The following TRMU variants were observed in gnomAD, a reference collection of about 807,000 sequenced individuals.
TRMU encodes the protein mitochondrial tRNA-specific 2-thiouridylase 1.
A neutral mutation model predicts 46.9 loss-of-function variants in TRMU; 49 were observed. That is an observed-to-expected ratio of 1.05 (90% confidence interval 0.83 to 1.33). The LOEUF is 1.33. Ranked by LOEUF, TRMU falls within the 40% of genes most tolerant of loss-of-function variation. The pLI, the probability that TRMU is intolerant of heterozygous loss-of-function variation, is 0.00. For missense variants in TRMU, 572 were observed against 532.4 expected (o/e 1.07, Z -0.73); for synonymous variants, 241 against 200.9 (o/e 1.20, Z -1.69).
Position 46,356,741 on chromosome 22 carries a change from G to C in TRMU, c.1102-101G>C, listed in dbSNP as rs1157571933. 3 of 1,418,150 alleles carry C rather than the reference G, an allele frequency of 2.1e-6. No homozygotes were observed. The African/African-American group carries it at 4.2e-5, about 20-fold the overall frequency. 87.8% of individuals were successfully genotyped at this position (1,418,150 alleles called of 1,614,324 possible). A position where few individuals can be genotyped will look rare whatever the true frequency, so the allele number is the denominator to read the frequency against. ...CTCCCCTGGGAGCTCAGTGCCTGGT[G>C]CTCCGAGCACAGGCCAGGCCCCATA... On this transcript the variant is annotated intron_variant, in intron 10 of 10. Transcript: ENST00000645190.
chr22:46,343,265 C>G lies in TRMU; in HGVS notation c.252C>G (p.Asp84Glu), dbSNP rs776173954. Residue 84 changes from aspartate to glutamate, a missense_variant, in exon 3 of 11, where the codon GAC becomes GAG. Physicochemically the swap from Asp to Glu is conservative, Grantham distance 45. Coordinates refer to ENST00000645190, the MANE Select transcript of TRMU (RefSeq NM_018006.5). Reference sequence around the variant, plus strand: ...AAGTCATTTTCTTTTATTCTAGTGACTTTTTGAATGAGTATGAAAAAGGAA... The same window carrying G: ...AAGTCATTTTCTTTTATTCTAGTGAGTTTTTGAATGAGTATGAAAAAGGAA... ...VKEYWNDVFS[D>E]FLNEYEKGRT... 6.2e-7 allele frequency: 1 copy of G among 1,604,414 alleles called. No individual in the cohort carries two copies. Among genetic ancestry groups the G allele is most frequent in the Admixed American group, 1.7e-5 (1 of 59,852 alleles).
At position 46,350,585 on chromosome 22, in the gene TRMU, G is replaced by A. The variant is rs928746534; in HGVS notation, c.651+122G>A. On this transcript the variant is annotated intron_variant, in intron 5 of 10. Coordinates refer to ENST00000645190, the MANE Select transcript of TRMU (RefSeq NM_018006.5). The surrounding 1 kb of genome is among the most constrained non-coding windows in gnomAD (Gnocchi z 4.6). Reference sequence around the variant, plus strand: ...TTCTCCAGGACCTAACATCAAAGGCGGGCCTTGGAGCAATAGATGGAGGAG... The same window carrying A: ...TTCTCCAGGACCTAACATCAAAGGCAGGCCTTGGAGCAATAGATGGAGGAG... The A allele has an allele frequency of 1.4e-5, 17 of 1,247,928 alleles. 1 individual carries two copies. Among genetic ancestry groups the A allele is most frequent in the Admixed American group, 1.1e-4 (6 of 54,268 alleles). The allele number at this position is 1,247,928 out of a possible 1,614,324, so 77.3% of individuals were successfully genotyped here.
chr22:46,344,461 G>A (rs1056019993), intron 3 of TRMU, among the ~76,000 whole-genome samples: 15 of 152,198 alleles, frequency 9.9e-5, no homozygotes, highest in African/African-American at 3.4e-4. Flanking sequence ...ACTTTGGGTC[G>A]TAGTGGCAGT....
chr22:46,337,983 CTG>C (rs756807603), intron 2 of TRMU, 39 bp downstream of exon 2: 10 of 1,613,146 alleles, frequency 6.2e-6, no homozygotes, highest in South Asian at 1.1e-5. Context: ...CTTCCTCACA[CTG>C]TGGATCCTTG....
Position 46,352,306 on chromosome 22 carries a change from A to C in TRMU, c.748A>C (p.Asn250His). Residue 250 changes from asparagine (N) to histidine (H), a missense_variant, in exon 7 of 11, where the codon AAT (asparagine) becomes CAT (histidine). Transcript: ENST00000645190. ...RPGHFISIED[N>H]KVLGTHKGWF... The stretch of plus-strand genomic sequence containing the variant: ...TGGTCACTTTATTTCCATAGAAGAC[A>C]ATAAGGTTCTGGGAACACATAAAGG... 1 of 1,614,060 alleles carries C rather than the reference A, an allele frequency of 6.2e-7. No homozygotes were observed. The highest frequency in any genetic ancestry group is 1.1e-5 in the South Asian group (1 of 91,086).
chr22:46,343,221 T>A, intron 2 of TRMU, 41 bp from the exon 3 acceptor site: 1 of 1,284,578 alleles, frequency 7.8e-7, no homozygotes, highest in Non-Finnish European at 1.1e-6. Context: ...TTTTGAGGAA[T>A]GTTTCACACT....
At position 46,338,088 on chromosome 22, in the gene TRMU, C is replaced by G; in HGVS notation, c.248+144C>G. On this transcript the variant is annotated intron_variant, in intron 2 of 10. Coordinates refer to ENST00000645190, the MANE Select transcript of TRMU (RefSeq NM_018006.5). This position sits in a 1 kb window ranked among gnomAD's most constrained non-coding sequence, Gnocchi z 4.5. ...TGGTGCTGAAGACTGCAAGAGGCCT[C>G]AGCCACCCTCGGGGCTCTGTGTTAG... The G allele has an allele frequency of 1.7e-6, 2 of 1,146,636 alleles. No homozygotes were observed. The allele number at this position is 1,146,636 out of a possible 1,614,324, so 71.0% of individuals were successfully genotyped here. A position where few individuals can be genotyped will look rare whatever the true frequency, so the allele number is the denominator to read the frequency against.
Position 46,350,655 on chromosome 22 carries a change from GC to G in TRMU, c.651+194del, listed in dbSNP as rs2078392932. ...CAGGGCTCTGCTGACATCGGGAGCA[GC>G]CTATACGAGACTCCTTGCTTTTTTC... On this transcript the variant is annotated intron_variant, in intron 5 of 10. Transcript: ENST00000645190. The surrounding 1 kb of genome is among the most constrained non-coding windows in gnomAD (Gnocchi z 4.6). Among the ~76,000 whole-genome samples the G allele has an allele frequency of 6.6e-6, 1 of 152,212 alleles. No homozygotes were observed. Among genetic ancestry groups the G allele is most frequent in the Non-Finnish European group, 1.5e-5 (1 of 68,036 alleles).
rs566315907 is a variant in TRMU, at chr22:46,348,611, G to A, written c.479-1680G>A. ...TGGCAGAGCCAGCACGGCAGCCGGC[G>A]TGTCAGTGAGGCTCCAGCACAGGCA... On this transcript the variant is annotated intron_variant, in intron 4 of 10. Coordinates refer to ENST00000645190, the MANE Select transcript of TRMU (RefSeq NM_018006.5). This position sits in a 1 kb window ranked among gnomAD's most constrained non-coding sequence, Gnocchi z 4.8. Among the ~76,000 whole-genome samples the A allele has an allele frequency of 5.3e-5, 8 of 152,368 alleles. No homozygotes were observed. Among genetic ancestry groups the A allele is most frequent in the East Asian group, 1.9e-4 (1 of 5,188 alleles).
chr22:46,353,497 T>C, intron 7 of TRMU: 1 of 406,228 alleles, frequency 2.5e-6, no homozygotes. Context: ...CAGGGGCTCC[T>C]ACAGCTGGAA....
In TRMU at chr22:46,356,833, C is replaced by G; in HGVS notation, c.1102-9C>G. 6 of 1,613,050 alleles carry G rather than the reference C, an allele frequency of 3.7e-6. No homozygotes were observed. Among genetic ancestry groups the G allele is most frequent in the Non-Finnish European group, 5.1e-6 (6 of 1,179,796 alleles). Reference sequence around the variant, plus strand: ...TGGCACCCCTGATGCCAGGGTCTCTCCCCTACAGTTTGCTGTGTTCTACAA... The same window carrying G: ...TGGCACCCCTGATGCCAGGGTCTCTGCCCTACAGTTTGCTGTGTTCTACAA... On this transcript the variant is annotated splice_polypyrimidine_tract_variant and intron_variant, in intron 10 of 10. Transcript: ENST00000645190.
chr22:46,349,994 T>G lies in TRMU; in HGVS notation c.479-297T>G, dbSNP rs2078365643. 6.6e-6 allele frequency among the ~76,000 whole-genome samples: 1 copy of G among 152,166 alleles called. No individual in the cohort carries two copies. Among genetic ancestry groups the G allele is most frequent in the Non-Finnish European group, 1.5e-5 (1 of 68,032 alleles). On this transcript the variant is annotated intron_variant, in intron 4 of 10. Coordinates refer to ENST00000645190, the MANE Select transcript of TRMU (RefSeq NM_018006.5). This position sits in a 1 kb window ranked among gnomAD's most constrained non-coding sequence, Gnocchi z 4.6. ...TTATTTTAGGTGTTTTTTTTTTTTTTTCTTATCACTTGAGAACATTTTTTC... is the reference window on the plus strand; with the variant it reads ...TTATTTTAGGTGTTTTTTTTTTTTTGTCTTATCACTTGAGAACATTTTTTC...
intron 9 of TRMU, 126 bp downstream of exon 9, chr22:46,355,714 C>G (rs2147115088): frequency 1.3e-6 from 2 of 1,499,112 alleles, no homozygotes; most frequent in Admixed American, 1.9e-5. Flanking sequence ...TGGAGATTAC[C>G]TAAAGTATTT....
At chr22:46,355,337 CTGTG>C (rs1177147478) in intron 8 of TRMU, 103 bp from the exon 9 acceptor site, 20 of 1,453,160 alleles carry the variant, frequency 1.4e-5, no homozygotes, top group African/African-American at 1.4e-5. Context: ...GCACCGTTAC[CTGTG>C]TGTGTGTGTG....
Position 46,351,921 on chromosome 22 carries a change from GAGGCGTTCTCT to G in TRMU, c.652-198_652-188del. On this transcript the variant is annotated intron_variant, in intron 5 of 10. Transcript: ENST00000645190. This position sits in a 1 kb window ranked among gnomAD's most constrained non-coding sequence, Gnocchi z 6.4. ...GTCAGACCCCGCGGGCCGAGACAAT[GAGGCGTTCTCT>G]AAGGCTCTGGCATCGTGTGCGCCGG... 1 of 718,998 alleles carries G rather than the reference GAGGCGTTCTCT, an allele frequency of 1.4e-6. No individual in the cohort carries two copies. Among genetic ancestry groups the G allele is most frequent in the Non-Finnish European group, 2.5e-6 (1 of 397,568 alleles). 44.5% of individuals were successfully genotyped at this position (718,998 alleles called of 1,614,324 possible). A position where few individuals can be genotyped will look rare whatever the true frequency, so the allele number is the denominator to read the frequency against.
At position 46,336,140 on chromosome 22, in the gene TRMU, G is replaced by A; in HGVS notation, c.82+294G>A. 7.6e-7 allele frequency: 1 copy of A among 1,323,416 alleles called. No individual in the cohort carries two copies. Among genetic ancestry groups the A allele is most frequent in the East Asian group, 3.4e-5 (1 of 29,008 alleles). 82.0% of individuals were successfully genotyped at this position (1,323,416 alleles called of 1,614,324 possible). On this transcript the variant is annotated intron_variant, in intron 1 of 10. Transcript: ENST00000645190. The surrounding 1 kb of genome is among the most constrained non-coding windows in gnomAD (Gnocchi z 4.1). ...CCGGCGGGCCGGGGTGGGGTGGGGAGGGAAGGGTTTCTCACGGATCTGCGG... is the reference window on the plus strand; with the variant it reads ...CCGGCGGGCCGGGGTGGGGTGGGGAAGGAAGGGTTTCTCACGGATCTGCGG...
rs1439364614 is a variant in TRMU at position 46,347,788 on chromosome 22, TC to T, written c.478+1246del. The stretch of plus-strand genomic sequence containing the variant: ...TGGCAGAGCTGGATTTCAGTGCACT[TC>T]CGCTCACTCCCCAGCCCCTGCTGCT... On this transcript the variant is annotated intron_variant, in intron 4 of 10. Coordinates refer to ENST00000645190, the MANE Select transcript of TRMU (RefSeq NM_018006.5). This position sits in a 1 kb window ranked among gnomAD's most constrained non-coding sequence, Gnocchi z 5.0. 6.6e-6 allele frequency among the ~76,000 whole-genome samples: 1 copy of T among 152,154 alleles called. No homozygotes were observed. The highest frequency in any genetic ancestry group is 2.4e-5 in the African/African-American group (1 of 41,430).
rs1423930753 is a variant in TRMU, at chr22:46,346,290, G to A, written c.356-132G>A. 5.6e-6 allele frequency: 6 copies of A among 1,075,638 alleles called. No homozygotes were observed. The Admixed American group carries it at 1.7e-4, about 31-fold the overall frequency. 66.6% of individuals were successfully genotyped at this position (1,075,638 alleles called of 1,614,324 possible). On this transcript the variant is annotated intron_variant, in intron 3 of 10. Transcript: ENST00000645190. ...TTCCCTGGGATCTCTATGTTTGGGT[G>A]CAGGGTGGATTGTGCAGCCCCTCAG...
At chr22:46,345,469 T>C (rs2147046929) in intron 3 of TRMU, among the ~76,000 whole-genome samples, 1 of 152,336 alleles carries the variant, frequency 6.6e-6, no homozygotes, top group Non-Finnish European at 1.5e-5. Flanking sequence ...GAAGAAACAG[T>C]GTGCTGGATG....
Sources: gnomAD v4.1 joint callset for allele counts (sites outside exome capture counted in the v4.1 genomes callset) on GRCh38, gnomAD v4.1.1 for gene constraint, Gnocchi (gnomAD v3.1) non-coding constraint, MANE v1.5 for transcripts, NCBI Gene and HGNC (gene_info 2026-07-23, HGNC 2026-07-21) for gene names.